The following MICAL2 variants were observed in gnomAD, a reference collection of about 807,000 sequenced individuals.
The protein encoded by MICAL2 is microtubule associated monooxygenase, calponin and LIM domain containing 2, also known as [F-actin]-monooxygenase MICAL2.
MICAL2 carries 77 observed loss-of-function variants against 127.3 expected under a neutral mutation model. The observed-to-expected ratio is 0.60, with a 90% CI of 0.50 to 0.73. MICAL2 has a LOEUF of 0.73. Among genes scored for constraint, MICAL2 ranks in the 30% least tolerant of loss-of-function variants. MICAL2 has a pLI of 0.00. For synonymous variants in MICAL2, 570 were observed against 551.1 expected (o/e 1.03, Z -0.48); for missense variants, 1,351 against 1,434.4 (o/e 0.94, Z 0.94).
chr11:12,151,067 T>A (rs549524552), intron 2 of MICAL2, among the ~76,000 whole-genome samples: 1 of 152,240 alleles, frequency 6.6e-6, no homozygotes, highest in South Asian at 2.1e-4. Flanking sequence ...CAGAAGCCCA[T>A]GTTCTTTCTA....
At chr11:12,236,363 G>T (rs976879023) in intron 16 of MICAL2, 118 bp downstream of exon 16, 1 of 885,066 alleles carries the variant, frequency 1.1e-6, no homozygotes, top group Non-Finnish European at 1.9e-6. Flanking sequence ...TGAACCACTG[G>T]GTTCCAAGCT....
At chr11:12,226,876 G>A (rs1000348631) in intron 14 of MICAL2, 149 bp from the exon 15 acceptor site, 14 of 627,606 alleles carry the variant, frequency 2.2e-5, no homozygotes, top group South Asian at 3.3e-5. Context: ...GGATGGTCTC[G>A]ATCTCCTGAC....
rs1856136618 is a variant in MICAL2, at chr11:12,216,248, A to G, written c.877A>G (p.Lys293Glu). The G allele has an allele frequency of 8.7e-6, 14 of 1,613,964 alleles. No individual in the cohort carries two copies. Among genetic ancestry groups the G allele is most frequent in the Non-Finnish European group, 1.1e-5 (13 of 1,179,776 alleles). The change falls in exon 8 of 28, where the codon AAG (lysine) becomes GAG (glutamate). Residue 293 changes from lysine (K) to glutamate (E), a missense_variant. Coordinates refer to ENST00000683283, the MANE Select transcript of MICAL2 (RefSeq NM_001282663.2). The part of the protein sequence containing the change: ...GIDLENIVYY[K>E]DCTHYFVMTA... Reference sequence around the variant, plus strand: ...AGATCTTGAGAACATTGTTTACTACAAGGACTGCACCCACTATTTTGTAAT... The same window carrying G: ...AGATCTTGAGAACATTGTTTACTACGAGGACTGCACCCACTATTTTGTAAT...
intron 1 of MICAL2, among the ~76,000 whole-genome samples, chr11:12,277,067 G>C (rs949365222): frequency 1.3e-5 from 2 of 151,904 alleles, no homozygotes; most frequent in African/African-American, 2.4e-5. Context: ...TAAAAAAGTA[G>C]ACCGGAGTAA....
intron 1 of MICAL2, among the ~76,000 whole-genome samples, chr11:12,133,503 G>T (rs1219892644): frequency 6.6e-6 from 1 of 152,120 alleles, no homozygotes; most frequent in African/African-American, 2.4e-5. Flanking sequence ...TTGGGTGCTG[G>T]TCCAGAAAGT....
rs1038795724 is a variant in MICAL2 at position 12,110,927 on chromosome 11, C to G, written c.-149+201C>G. ...GCGACGAAGCCCGGGGCGGCCCTGG[C>G]CGGCCTCTGAACCAATTAGAACGCA... On this transcript the variant is annotated intron_variant, in intron 1 of 27. Coordinates refer to ENST00000683283, the MANE Select transcript of MICAL2 (RefSeq NM_001282663.2). The surrounding 1 kb of genome is among the most constrained non-coding windows in gnomAD (Gnocchi z 4.5). Among the ~76,000 whole-genome samples the G allele has an allele frequency of 6.6e-6, 1 of 152,194 alleles. No individual in the cohort carries two copies. Among genetic ancestry groups the G allele is most frequent in the African/African-American group, 2.4e-5 (1 of 41,454 alleles).
At chr11:12,253,213 G>T (rs1179599761) in intron 22 of MICAL2, 1 of 152,344 alleles carries the variant, frequency 6.6e-6, no homozygotes, top group Non-Finnish European at 1.5e-5. Flanking sequence ...CTTGGTGGGG[G>T]TCCAGGCATT....
chr11:12,118,860 T>C (rs1850267501), intron 1 of MICAL2, among the ~76,000 whole-genome samples: 1 of 152,174 alleles, frequency 6.6e-6, no homozygotes, highest in African/African-American at 2.4e-5. Context: ...TCAGGGTTTT[T>C]GTTGTTGTTG....
At chr11:12,180,335 G>GTATATATATATATATATA (rs1554968135) in intron 3 of MICAL2, among the ~76,000 whole-genome samples, 12 of 126,410 alleles carry the variant, frequency 9.5e-5, no homozygotes, top group South Asian at 3.0e-4. Context: ...TTATATACAT[G>GTATATATATATATATATA]TATATATGTA....
chr11:12,202,781 T>A (rs999431996), intron 3 of MICAL2, among the ~76,000 whole-genome samples: 3 of 152,236 alleles, frequency 2.0e-5, no homozygotes, highest in Admixed American at 6.5e-5. Flanking sequence ...TTTTTTCTCA[T>A]GCGCTTTTTA....
In MICAL2 at chr11:12,125,987, C is replaced by T. The variant is rs139285038; in HGVS notation, c.-148-12403C>T. Among the ~76,000 whole-genome samples, 808 of 152,232 alleles carry T rather than the reference C, an allele frequency of 5.3e-3. 4 individuals are homozygous for T. Among genetic ancestry groups the T allele is most frequent in the Non-Finnish European group, 7.4e-3 (501 of 68,002 alleles). ...GAGTCAGGGCTCTGCAGCCTCCTAC[C>T]CACCTGGGCCTCAGCTCCTCAGGTG... is the stretch of plus-strand genomic sequence containing the variant. On this transcript the variant is annotated intron_variant, in intron 1 of 27. Transcript: ENST00000683283.
At chr11:12,123,156 A>G (rs750634404) in intron 1 of MICAL2, among the ~76,000 whole-genome samples, 19 of 152,186 alleles carry the variant, frequency 1.2e-4, no homozygotes, top group Non-Finnish European at 2.4e-4. Context: ...ATGCTTTGCC[A>G]TTGCTTAAAA....
At chr11:12,259,606 T>C (rs1199883134) in intron 25 of MICAL2, 189 bp from the exon 26 acceptor site, 1 of 493,776 alleles carries the variant, frequency 2.0e-6, no homozygotes, top group Non-Finnish European at 3.6e-6. Context: ...TCGTGACTCC[T>C]ATGGTCAGTT....
At chr11:12,281,025 C>T (rs1363797646) in exon 2 of MICAL2, 12 of 399,032 alleles carry the variant, frequency 3.0e-5, no homozygotes, top group African/African-American at 2.3e-4. Flanking sequence ...CCGCATCTAC[C>T]GCACACGTCC....
At chr11:12,197,909 G>A (rs907344417) in intron 3 of MICAL2, 2 of 152,192 alleles carry the variant, frequency 1.3e-5, no homozygotes, top group African/African-American at 4.8e-5. Flanking sequence ...AACGTACAAA[G>A]CATAGGATAC....
chr11:12,348,625 A>G (rs890719353), intron 32 of MICAL2, among the ~76,000 whole-genome samples: 2 of 152,216 alleles, frequency 1.3e-5, no homozygotes, highest in Non-Finnish European at 2.9e-5. Flanking sequence ...GCAATGAACT[A>G]GGCATATTAT....
At chr11:12,123,554 A>T (rs2133486455) in intron 1 of MICAL2, among the ~76,000 whole-genome samples, 1 of 152,268 alleles carries the variant, frequency 6.6e-6, no homozygotes, top group South Asian at 2.1e-4. Flanking sequence ...AATGTTTTAG[A>T]TCATGGTTGT....
chr11:12,211,931 G>A (rs1855520769), intron 6 of MICAL2, among the ~76,000 whole-genome samples: 1 of 152,178 alleles, frequency 6.6e-6, no homozygotes, highest in South Asian at 2.1e-4. Flanking sequence ...AGTTTATTCA[G>A]CATTTTCACT....
chr11:12,324,614 A>G (rs1864335042), intron 31 of MICAL2, among the ~76,000 whole-genome samples: 1 of 152,204 alleles, frequency 6.6e-6, no homozygotes, highest in African/African-American at 2.4e-5. Flanking sequence ...GCAGAAATTC[A>G]AGGCATCCTC....
Sources: allele counts gnomAD v4.1 joint callset (sites outside exome capture counted in the v4.1 genomes callset), GRCh38; gene constraint gnomAD v4.1.1; non-coding constraint Gnocchi (gnomAD v3.1); transcripts MANE v1.5; gene names NCBI Gene and HGNC (gene_info 2026-07-23, HGNC 2026-07-21).